NCAPD2: variants seen among roughly 807,000 people sequenced by gnomAD.
The protein encoded by NCAPD2 is condensin complex subunit 1.
NCAPD2 carries 100 observed loss-of-function variants against 164.5 expected under a neutral mutation model. That is an observed-to-expected ratio of 0.61 (90% CI 0.52 to 0.72). NCAPD2 has a LOEUF of 0.72. NCAPD2 is among the 30% of genes least tolerant of loss of function. NCAPD2 has a pLI of 0.00. For missense variants in NCAPD2, 1,560 were observed against 1,749.2 expected, an observed-to-expected ratio of 0.89 and a Z score of 1.93; for synonymous variants, 585 against 642.6, an observed-to-expected ratio of 0.91 and a Z score of 1.36.
chr12:6,528,162 C>T lies in NCAPD2; in HGVS notation c.3144-11C>T. The stretch of plus-strand genomic sequence containing the variant: ...AAATGGCTTCCCTAATGATCCTCTT[C>T]TTGCTCTTAGTGCCACTTTCTGCGA... On this transcript the variant is annotated splice_polypyrimidine_tract_variant and intron_variant, in intron 24 of 31. Coordinates refer to ENST00000315579, the MANE Select transcript of NCAPD2 (RefSeq NM_014865.4). This position sits in a 1 kb window ranked among gnomAD's most constrained non-coding sequence, Gnocchi z 5.1. The T allele has an allele frequency of 6.2e-7, 1 of 1,614,248 alleles. No individual in the cohort carries two copies. Among genetic ancestry groups the T allele is most frequent in the Non-Finnish European group, 8.5e-7 (1 of 1,180,056 alleles).
intron 2 of NCAPD2, 123 bp from the exon 3 acceptor site, chr12:6,509,594 C>A: frequency 1.1e-6 from 1 of 909,882 alleles, no homozygotes; most frequent in Non-Finnish European, 1.8e-6. Flanking sequence ...TTGAAGTGAA[C>A]TGTTTGTCTC....
Position 6,523,293 on chromosome 12 carries a change from T to C in NCAPD2, c.2161T>C (p.Ser721Pro), listed in dbSNP as rs1321991801. The C allele has an allele frequency of 6.2e-7, 1 of 1,614,194 alleles. No homozygotes were observed. Among genetic ancestry groups the C allele is most frequent in the Non-Finnish European group, 8.5e-7 (1 of 1,180,038 alleles). The change falls in exon 17 of 32, where the codon TCT (serine) becomes CCT (proline). Residue 721 changes from serine (S) to proline (P), a missense_variant. Ser to Pro is a moderately conservative substitution (Grantham distance 74, BLOSUM62 -1). Transcript: ENST00000315579. ...AKAQALIQNLSLLLVDASVGT... is the reference protein window; with the variant it reads ...AKAQALIQNLPLLLVDASVGT... ...GGCCCAGGCTTTGATTCAGAATCTC[T>C]CTCTGCTGCTAGTGGATGCCTCGGT...
At chr12:6,518,504 G>GTTTTTTTTTT (rs56183938) in intron 13 of NCAPD2, among the ~76,000 whole-genome samples, 1,253 of 44,628 alleles carry the variant, frequency 0.028, 244 homozygotes, top group Middle Eastern at 0.062. Flanking sequence ...CCGTCAACAA[G>GTTTTTTTTTT]TTTTTTTTTT....
At position 6,514,487 on chromosome 12, in the gene NCAPD2, A is replaced by C; in HGVS notation, c.739A>C (p.Met247Leu). 4 of 1,614,182 alleles carry C rather than the reference A, an allele frequency of 2.5e-6. No individual in the cohort carries two copies. In the East Asian group the frequency reaches 6.7e-5, roughly 27 times the overall value. ...MLSATVKIIQ[M>L]LQHFEHLAPV... ...AGGTGCTACAGTGAAGATCATCCAG[A>C]TGCTGCAGCACTTTGAACACCTGGC... The change falls in exon 8 of 32, where the codon ATG becomes CTG. Residue 247 changes from methionine (M) to leucine (L), a missense_variant. By Grantham distance (15) the Met-to-Leu change is conservative. Transcript: ENST00000315579.
intron 17 of NCAPD2, 114 bp downstream of exon 17, chr12:6,523,460 C>CAAT: frequency 3.5e-6 from 3 of 846,812 alleles, no homozygotes; most frequent in East Asian, 5.3e-5. Flanking sequence ...TGCAATGGCA[C>CAAT]AATCTTGGCT....
chr12:6,496,088 C>T (rs1341095561), intron 2 of NCAPD2, among the ~76,000 whole-genome samples: 4 of 142,198 alleles, frequency 2.8e-5, no homozygotes, highest in Non-Finnish European at 4.5e-5. Context: ...GACAGGGTCT[C>T]ACTCTGTTGC....
At chr12:6,522,465 A>G (rs1252845951) in intron 15 of NCAPD2, among the ~76,000 whole-genome samples, 1 of 152,100 alleles carries the variant, frequency 6.6e-6, no homozygotes. Context: ...ACGCACCTGT[A>G]GTTCCAGCTA....
intron 2 of NCAPD2, among the ~76,000 whole-genome samples, chr12:6,499,517 G>A (rs1041109358): frequency 1.3e-5 from 2 of 152,074 alleles, no homozygotes; most frequent in Non-Finnish European, 2.9e-5. Context: ...CCTCCCAAGT[G>A]GCTGGAATTA....
In NCAPD2 at chr12:6,528,243, C is replaced by G. The variant is rs760783711; in HGVS notation, c.3214C>G (p.Arg1072Gly). Residue 1072 changes from arginine (R) to glycine (G), a missense_variant, in exon 25 of 32, where the codon CGG (arginine) becomes GGG (glycine). Physicochemically the swap from Arg to Gly is moderately radical, Grantham distance 125 (BLOSUM62 -2). Coordinates refer to ENST00000315579, the MANE Select transcript of NCAPD2 (RefSeq NM_014865.4). The surrounding 1 kb of genome is among the most constrained non-coding windows in gnomAD (Gnocchi z 5.1). ...MLEKSPLPIV[R>G]SNLMVATGDL... ...GGAAAAGTCTCCACTTCCCATTGTC[C>G]GGTCTAACCTCATGGTTGCCACTGG... The G allele has an allele frequency of 1.2e-6, 2 of 1,613,958 alleles. No homozygotes were observed. Among genetic ancestry groups the G allele is most frequent in the African/African-American group, 2.7e-5 (2 of 74,906 alleles).
chr12:6,517,976 G>A lies in NCAPD2; in HGVS notation c.1589+17G>A, dbSNP rs763520601. 40 of 1,609,240 alleles carry A rather than the reference G, an allele frequency of 2.5e-5. 1 individual carries two copies. The South Asian group carries it at 4.0e-4, about 16-fold the overall frequency. On this transcript the variant is annotated intron_variant, in intron 13 of 31. Transcript: ENST00000315579. Reference sequence around the variant, plus strand: ...TAGTTACAAGTAGGCAAAAGAATGGGATATTCTTCGTGATCTGTTTATGTT... The same window carrying A: ...TAGTTACAAGTAGGCAAAAGAATGGAATATTCTTCGTGATCTGTTTATGTT...
intron 6 of NCAPD2, among the ~76,000 whole-genome samples, chr12:6,513,715 C>CTTTTGTTTTTTTTTTTTTT (rs1946171887): frequency 2.7e-5 from 2 of 74,894 alleles, no homozygotes; most frequent in Non-Finnish European, 5.1e-5. Flanking sequence ...GTGACTTTGT[C>CTTTTGTTTTTTTTTTTTTT]TTTTTTTTTT....
Position 6,527,000 on chromosome 12 carries a change from G to A in NCAPD2, c.2844G>A (p.Glu948=), listed in dbSNP as rs778093338. 6.2e-7 allele frequency: 1 copy of A among 1,614,074 alleles called. No homozygotes were observed. Reference sequence around the variant, plus strand: ...ACTTGGAGCAGGCAGTGAGTGGAGAGCTCTGCCGGCGCCGAGTTCTCCGGG... The same window carrying A: ...ACTTGGAGCAGGCAGTGAGTGGAGAACTCTGCCGGCGCCGAGTTCTCCGGG... ...LVHLEQAVSG[E]LCRRRVLREE... The change falls in exon 22 of 32, where the codon GAG becomes GAA. Residue 948 remains glutamate, a synonymous_variant. Transcript: ENST00000315579.
intron 6 of NCAPD2, among the ~76,000 whole-genome samples, chr12:6,513,799 TC>T (rs1477790263): frequency 7.0e-6 from 1 of 143,846 alleles, no homozygotes; most frequent in African/African-American, 2.6e-5. Flanking sequence ...CACTGCAACC[TC>T]CACCTCCCAG....
Position 6,522,897 on chromosome 12 carries a change from T to C in NCAPD2, c.2024T>C (p.Val675Ala), listed in dbSNP as rs753865003. ...QFGVPQALFGVRRMLPLIWSK... is the reference protein window; with the variant it reads ...QFGVPQALFGARRMLPLIWSK... The stretch of plus-strand genomic sequence containing the variant: ...GGGGTACCCCAGGCCCTGTTTGGGG[T>C]GCGCCGTATGCTGCCTCTCATCTGG... The change falls in exon 16 of 32, where the codon GTG (valine) becomes GCG (alanine). Residue 675 changes from valine to alanine, a missense_variant. By Grantham distance (64) the Val-to-Ala change is moderately conservative. Transcript: ENST00000315579. 5 of 1,613,996 alleles carry C rather than the reference T, an allele frequency of 3.1e-6. No individual in the cohort carries two copies. In the South Asian group the frequency reaches 5.5e-5, roughly 18 times the overall value.
chr12:6,518,446 TC>T (rs1946224474), intron 13 of NCAPD2, among the ~76,000 whole-genome samples: 1 of 150,870 alleles, frequency 6.6e-6, no homozygotes, highest in African/African-American at 2.4e-5. Context: ...AAAAGATTTC[TC>T]CTAGTGTTTT....
chr12:6,504,217 A>ATACATATATATATATATAT lies in NCAPD2; in HGVS notation c.128-5500_128-5499insTACATATATATATATATAT, dbSNP rs1491497981. Among the ~76,000 whole-genome samples, 9 of 19,504 alleles carry ATACATATATATATATATAT rather than the reference A, an allele frequency of 4.6e-4. 1 individual carries two copies. In the African/African-American group the frequency reaches 7.6e-3, roughly 17 times the overall value. 12.8% of individuals were successfully genotyped at this position (19,504 alleles called of 152,430 possible). On this transcript the variant is annotated intron_variant, in intron 2 of 31. Transcript: ENST00000315579. Reference sequence around the variant, plus strand: ...TATATATATATATATATATATATATAGATATAGATATATATATATATATAT... The same window carrying ATACATATATATATATATAT: ...TATATATATATATATATATATATATATACATATATATATATATATGATATAGATATATATATATATATAT...
chr12:6,507,224 G>C (rs900055525), intron 2 of NCAPD2, among the ~76,000 whole-genome samples: 3 of 152,204 alleles, frequency 2.0e-5, no homozygotes, highest in Non-Finnish European at 4.4e-5. Flanking sequence ...CGATTCTACT[G>C]CCTCCACCTC....
intron 27 of NCAPD2, 88 bp from the exon 28 acceptor site, chr12:6,529,425 G>A (rs990683271): frequency 2.8e-5 from 33 of 1,164,312 alleles, no homozygotes; most frequent in Non-Finnish European, 4.1e-5. Flanking sequence ...CAGAGAAGAC[G>A]AGTGCTGGGG....
At chr12:6,510,528 CAG>C (rs766582711) in intron 4 of NCAPD2, 99 bp from the exon 5 acceptor site, 4 of 1,363,814 alleles carry the variant, frequency 2.9e-6, no homozygotes, top group Non-Finnish European at 4.2e-6. Context: ...AGATGAAACA[CAG>C]ATCTTTGGTA....
Sources: allele counts gnomAD v4.1 joint callset (sites outside exome capture counted in the v4.1 genomes callset), GRCh38; gene constraint gnomAD v4.1.1; non-coding constraint Gnocchi (gnomAD v3.1); transcripts MANE v1.5; gene names NCBI Gene and HGNC (gene_info 2026-07-23, HGNC 2026-07-21).